ADSS2: variants seen among roughly 807,000 people sequenced by gnomAD.
The protein encoded by ADSS2 is adenylosuccinate synthase 2.
In ADSS2, 30 loss-of-function variants were observed where a neutral mutation model predicts 60.0. That is an observed-to-expected ratio of 0.50 (90% CI 0.37 to 0.68). The LOEUF is 0.68. Ranked by LOEUF, ADSS2 falls within the 30% of genes least tolerant of loss-of-function variation. The probability of loss-of-function intolerance (pLI) is 0.00; values close to 1 mark genes in which losing one functional copy is unlikely to be tolerated. For synonymous variants in ADSS2, 187 were observed against 193.1 expected, an observed-to-expected ratio of 0.97 and a Z score of 0.26; for missense variants, 373 against 554.8, an observed-to-expected ratio of 0.67 and a Z score of 3.29.
intron 8 of ADSS2, 90 bp downstream of exon 8, chr1:244,420,079 TA>T: frequency 2.2e-6 from 3 of 1,337,500 alleles, no homozygotes; most frequent in Non-Finnish European, 2.0e-6. Flanking sequence ...AACATTGTTT[TA>T]AAACTCCTTA....
At chr1:244,431,494 T>C (rs1010232968) in intron 4 of ADSS2, among the ~76,000 whole-genome samples, 8 of 152,176 alleles carry the variant, frequency 5.3e-5, no homozygotes, top group African/African-American at 9.7e-5. Context: ...ACTCACAAGC[T>C]TACTTTATGT....
intron 3 of ADSS2, 29 bp from the exon 4 acceptor site, chr1:244,432,624 T>C (rs772076110): frequency 7.1e-7 from 1 of 1,403,478 alleles, no homozygotes; most frequent in South Asian, 1.3e-5. Flanking sequence ...TATATTTAAT[T>C]GAATATTTTG....
intron 7 of ADSS2, among the ~76,000 whole-genome samples, chr1:244,422,410 G>A (rs1378122724): frequency 6.6e-6 from 1 of 152,234 alleles, no homozygotes; most frequent in African/African-American, 2.4e-5. Context: ...CAGTGCTAAA[G>A]AATCTGGCCC....
At position 244,409,381 on chromosome 1, in the gene ADSS2, C is replaced by T. The variant is rs547499743; in HGVS notation, c.*205G>A. 19 of 436,314 alleles carry T rather than the reference C, an allele frequency of 4.4e-5. No individual in the cohort carries two copies. The Middle Eastern group carries it at 2.4e-3, about 55-fold the overall frequency. The allele number at this position is 436,314 out of a possible 1,614,324, so 27.0% of individuals were successfully genotyped here. A position where few individuals can be genotyped will look rare whatever the true frequency, so the allele number is the denominator to read the frequency against. ...GCAGCAGGAGCAACAAATGATTTGG[C>T]AATTCCAGCTAAAGAAAGCTGACAC... On this transcript the variant is annotated 3_prime_UTR_variant, in exon 13 of 13. Coordinates refer to ENST00000366535, the MANE Select transcript of ADSS2 (RefSeq NM_001126.5).
chr1:244,424,004 C>T lies in ADSS2; in HGVS notation c.530G>A (p.Ser177Asn). The T allele has an allele frequency of 6.2e-7, 1 of 1,613,710 alleles. No homozygotes were observed. Among genetic ancestry groups the T allele is most frequent in the Non-Finnish European group, 8.5e-7 (1 of 1,179,802 alleles). The part of the protein sequence containing the change: ...GPVYSSKAAR[S>N]GLRMCDLVSD... ...AACAAGGTCGCACATCCTGAGTCCA[C>T]TCCGAGCAGCTTTGGACGAATAAAC... Residue 177 changes from serine (S) to asparagine (N), a missense_variant, in exon 6 of 13, where the codon AGT becomes AAT. This residue lies in a region of ADSS2 where 139 missense variants were observed against 189.4 expected (regional missense o/e 0.73). Transcript: ENST00000366535.
At chr1:244,417,153 T>G (rs991564763) in intron 10 of ADSS2, among the ~76,000 whole-genome samples, 1 of 152,144 alleles carries the variant, frequency 6.6e-6, no homozygotes, top group Admixed American at 6.5e-5. Flanking sequence ...CCCTATGAAG[T>G]AGGTAATGCT....
intron 3 of ADSS2, among the ~76,000 whole-genome samples, chr1:244,436,536 A>T (rs901132823): frequency 6.6e-6 from 1 of 152,216 alleles, no homozygotes; most frequent in African/African-American, 2.4e-5. Flanking sequence ...CAAACTCAGG[A>T]ATTTCCTAGT....
Position 244,451,558 on chromosome 1 carries a change from C to A in ADSS2, c.183+77G>T. 9 of 1,470,846 alleles carry A rather than the reference C, an allele frequency of 6.1e-6. No individual in the cohort carries two copies. Among genetic ancestry groups the A allele is most frequent in the Non-Finnish European group, 8.2e-6 (9 of 1,102,408 alleles). 91.1% of individuals were successfully genotyped at this position (1,470,846 alleles called of 1,614,324 possible). On this transcript the variant is annotated intron_variant, in intron 1 of 12. Transcript: ENST00000366535. This position sits in a 1 kb window ranked among gnomAD's most constrained non-coding sequence, Gnocchi z 6.6. ...TGGCCAGTGGATCCGGGTTCTGGGTCCGAGTTCCCGGGCACCAGGAGCCAG... is the reference window on the plus strand; with the variant it reads ...TGGCCAGTGGATCCGGGTTCTGGGTACGAGTTCCCGGGCACCAGGAGCCAG...
intron 4 of ADSS2, chr1:244,424,941 G>C (rs535095405): frequency 6.5e-6 from 1 of 152,780 alleles, no homozygotes; most frequent in East Asian, 1.9e-4. Context: ...TAAAAAAAGA[G>C]ACAAAATTCA....
chr1:244,420,141 C>T, intron 8 of ADSS2, 29 bp downstream of exon 8: 1 of 1,601,600 alleles, frequency 6.2e-7, no homozygotes, highest in African/African-American at 1.3e-5. Flanking sequence ...CAGTTAAGCT[C>T]CCTTAACTAT....
intron 2 of ADSS2, among the ~76,000 whole-genome samples, chr1:244,437,311 A>G (rs1665129357): frequency 6.6e-6 from 1 of 152,190 alleles, no homozygotes; most frequent in African/African-American, 2.4e-5. Context: ...AGGGTTCAAA[A>G]TAAATTCATG....
chr1:244,420,980 T>C (rs1331465366), intron 7 of ADSS2, among the ~76,000 whole-genome samples: 1 of 152,102 alleles, frequency 6.6e-6, no homozygotes, highest in Non-Finnish European at 1.5e-5. Flanking sequence ...CCACTGTGTT[T>C]GGCCAACCAT....
At chr1:244,441,128 G>A (rs1451454742) in intron 1 of ADSS2, among the ~76,000 whole-genome samples, 4 of 150,040 alleles carry the variant, frequency 2.7e-5, no homozygotes, top group Non-Finnish European at 5.9e-5. Context: ...GCGCGATCTC[G>A]GCCCACTGCA....
At chr1:244,416,340 C>T (rs919132704) in intron 10 of ADSS2, among the ~76,000 whole-genome samples, 2 of 152,172 alleles carry the variant, frequency 1.3e-5, no homozygotes, top group African/African-American at 4.8e-5. Context: ...CGTTTTGAGA[C>T]AGGGTCTCGC....
intron 4 of ADSS2, among the ~76,000 whole-genome samples, chr1:244,429,570 T>C (rs924601629): frequency 9.9e-5 from 15 of 152,216 alleles, no homozygotes; most frequent in Non-Finnish European, 2.9e-5. Context: ...TTATTCCTTT[T>C]CACTATTATA....
At chr1:244,411,617 T>C (rs137967334) in intron 11 of ADSS2, among the ~76,000 whole-genome samples, 181 bp from the exon 12 acceptor site, 153 of 152,354 alleles carry the variant, frequency 1.0e-3, no homozygotes, top group Non-Finnish European at 1.9e-3. Flanking sequence ...AGTAGTATTC[T>C]ATAATCAAAC....
At chr1:244,422,206 C>T (rs1453585317) in intron 7 of ADSS2, among the ~76,000 whole-genome samples, 1 of 152,078 alleles carries the variant, frequency 6.6e-6, no homozygotes, top group African/African-American at 2.4e-5. Flanking sequence ...GATATTGATA[C>T]TTATCTATAG....
Position 244,436,763 on chromosome 1 carries a change from T to C in ADSS2, c.355+62A>G, listed in dbSNP as rs888910144. ...AGACAAACATGTTGTTCGTCTGGCATAAGATCCTAATAAAACTTTACAAAG... is the reference window on the plus strand; with the variant it reads ...AGACAAACATGTTGTTCGTCTGGCACAAGATCCTAATAAAACTTTACAAAG... On this transcript the variant is annotated intron_variant, in intron 3 of 12. Transcript: ENST00000366535. 8.5e-6 allele frequency: 12 copies of C among 1,419,974 alleles called. No homozygotes were observed. In the African/African-American group the frequency reaches 8.5e-5, roughly 10 times the overall value. The allele number at this position is 1,419,974 out of a possible 1,614,324, so 88.0% of individuals were successfully genotyped here.
At chr1:244,423,880 T>C (rs1664731808) in intron 6 of ADSS2, 73 bp downstream of exon 6, 1 of 1,217,396 alleles carries the variant, frequency 8.2e-7, no homozygotes, top group African/African-American at 1.5e-5. Context: ...GACTGTATCA[T>C]TTTGCACCCT....
Sources: gnomAD v4.1 joint callset for allele counts (sites outside exome capture counted in the v4.1 genomes callset) on GRCh38, gnomAD v4.1.1 for gene constraint, gnomAD v4.1.1 regional missense constraint, Gnocchi (gnomAD v3.1) non-coding constraint, MANE v1.5 for transcripts, NCBI Gene and HGNC (gene_info 2026-07-23, HGNC 2026-07-21) for gene names.